Variants in NRG2 observed in about 807,000 individuals in gnomAD.
NRG2 encodes neuregulin 2.
NRG2 carries 27 observed loss-of-function variants against 73.9 expected under a neutral mutation model. The ratio of observed to expected loss-of-function variants is 0.37; its 90% CI spans 0.27 to 0.50. NRG2 has a LOEUF of 0.50. Among genes scored for constraint, NRG2 ranks in the 20% least tolerant of loss-of-function variants. The probability of loss-of-function intolerance (pLI) is 0.96; values close to 1 mark genes in which losing one functional copy is unlikely to be tolerated. For synonymous variants in NRG2, 532 were observed against 541.0 expected, an observed-to-expected ratio of 0.98 and a Z score of 0.23; for missense variants, 1,126 against 1,210.1, an observed-to-expected ratio of 0.93 and a Z score of 1.03.
At chr5:139,897,086 C>T (rs1489298202) in intron 1 of NRG2, among the ~76,000 whole-genome samples, 3 of 152,196 alleles carry the variant, frequency 2.0e-5, no homozygotes, top group Non-Finnish European at 4.4e-5. Context: ...TCTGCCCTGC[C>T]TCCATGCCCT....
intron 1 of NRG2, among the ~76,000 whole-genome samples, chr5:139,903,947 G>A (rs1765047892): frequency 6.6e-6 from 1 of 152,226 alleles, no homozygotes; most frequent in African/African-American, 2.4e-5. Context: ...CGGCCAGGCC[G>A]GGCCCAGCGT....
chr5:139,897,574 C>T (rs939900172), intron 1 of NRG2, among the ~76,000 whole-genome samples: 18 of 152,276 alleles, frequency 1.2e-4, no homozygotes, highest in East Asian at 5.8e-4. Context: ...GCAGAATCGC[C>T]GTGTTTCCTG....
Position 140,043,285 on chromosome 5 carries a change from G to C in NRG2, c.-216C>G, listed in dbSNP as rs1762117066. 1 of 552,086 alleles carries C rather than the reference G, an allele frequency of 1.8e-6. No homozygotes were observed. The highest frequency in any genetic ancestry group is 3.6e-5 in the Admixed American group (1 of 27,852). 34.2% of individuals were successfully genotyped at this position (552,086 alleles called of 1,614,324 possible). A position where few individuals can be genotyped will look rare whatever the true frequency, so the allele number is the denominator to read the frequency against. On this transcript the variant is annotated 5_prime_UTR_variant, in exon 1 of 10. Coordinates refer to ENST00000361474, the MANE Select transcript of NRG2 (RefSeq NM_004883.3). This position sits in a 1 kb window ranked among gnomAD's most constrained non-coding sequence, Gnocchi z 6.7. Reference sequence around the variant, plus strand: ...GCAGCGCTCCCACCCTGTGCGCCAGGACCTGGAGGAGGATGCGGAGGATGG... The same window carrying C: ...GCAGCGCTCCCACCCTGTGCGCCAGCACCTGGAGGAGGATGCGGAGGATGG...
At chr5:139,875,477 T>C (rs1327747810) in intron 3 of NRG2, among the ~76,000 whole-genome samples, 2 of 152,164 alleles carry the variant, frequency 1.3e-5, no homozygotes, top group Non-Finnish European at 2.9e-5. Flanking sequence ...AAAATAAATA[T>C]CTTATTCTTT....
intron 1 of NRG2, among the ~76,000 whole-genome samples, chr5:140,022,658 T>C (rs552947477): frequency 4.6e-5 from 7 of 152,232 alleles, no homozygotes; most frequent in Non-Finnish European, 7.3e-5. Flanking sequence ...AACCTCTTTA[T>C]ACTTGAGTTT....
intron 1 of NRG2, among the ~76,000 whole-genome samples, chr5:139,912,832 G>T (rs140054065): frequency 5.3e-5 from 8 of 152,248 alleles, no homozygotes; most frequent in East Asian, 1.9e-4. Context: ...TTCCCTTTGC[G>T]CCTCAACGTG....
intron 1 of NRG2, among the ~76,000 whole-genome samples, chr5:139,989,964 A>AT (rs1757472383): frequency 6.7e-6 from 1 of 150,282 alleles, no homozygotes; most frequent in Non-Finnish European, 1.5e-5. Context: ...AATTTTTTGT[A>AT]TTTTTAGTAG....
At chr5:139,956,712 T>G (rs1754653868) in intron 1 of NRG2, among the ~76,000 whole-genome samples, 1 of 152,200 alleles carries the variant, frequency 6.6e-6, no homozygotes, top group African/African-American at 2.4e-5. Flanking sequence ...GCAGGGCAGC[T>G]AGTGTCCCAA....
At chr5:139,909,301 T>C (rs1765440713) in intron 1 of NRG2, among the ~76,000 whole-genome samples, 1 of 152,168 alleles carries the variant, frequency 6.6e-6, no homozygotes, top group South Asian at 2.1e-4. Flanking sequence ...TGCCTTTCAG[T>C]GAAAGGGGAA....
At chr5:139,862,741 A>T (rs538715941) in intron 5 of NRG2, among the ~76,000 whole-genome samples, 2 of 152,270 alleles carry the variant, frequency 1.3e-5, no homozygotes, top group Admixed American at 6.5e-5. Flanking sequence ...TAAGAACATG[A>T]TTGTGTGTTT....
In NRG2 at chr5:139,949,787, GC is replaced by G. The variant is rs375939921; in HGVS notation, c.701-62277del. 2.8e-4 allele frequency among the ~76,000 whole-genome samples: 42 copies of G among 152,270 alleles called. 1 individual carries two copies. The highest frequency in any genetic ancestry group is 3.4e-3 in the Middle Eastern group (1 of 294). ...AGGCTTTGCTGGGTGTCTGGCCATG[GC>G]TAGGTGTTCATATTTACCAGCTGCC... On this transcript the variant is annotated intron_variant, in intron 1 of 9. Coordinates refer to ENST00000361474, the MANE Select transcript of NRG2 (RefSeq NM_004883.3).
chr5:139,867,899 A>T (rs903746369), intron 4 of NRG2, among the ~76,000 whole-genome samples: 2 of 151,104 alleles, frequency 1.3e-5, no homozygotes, highest in Non-Finnish European at 2.9e-5. Flanking sequence ...ATTTATTTCC[A>T]TTGCTGACAA....
At chr5:139,848,760 T>TGGGG in intron 9 of NRG2, 63 bp from the exon 10 acceptor site, 2 of 44,172 alleles carry the variant, frequency 4.5e-5, no homozygotes, top group South Asian at 6.6e-4. Context: ...GAGGGGGGGT[T>TGGGG]GGGGGTGGGG....
chr5:139,865,440 G>T lies in NRG2; in HGVS notation c.1189+109C>A. The T allele has an allele frequency of 1.2e-6, 1 of 825,816 alleles. No individual in the cohort carries two copies. The highest frequency in any genetic ancestry group is 2.0e-6 in the Non-Finnish European group (1 of 495,766). 51.2% of individuals were successfully genotyped at this position (825,816 alleles called of 1,614,324 possible). On this transcript the variant is annotated intron_variant, in intron 5 of 9. Coordinates refer to ENST00000361474, the MANE Select transcript of NRG2 (RefSeq NM_004883.3). The surrounding 1 kb of genome is among the most constrained non-coding windows in gnomAD (Gnocchi z 5.2). The stretch of plus-strand genomic sequence containing the variant: ...AAGAAAAGAGAAACAAAACAAAACA[G>T]CCAAAGATCAAAACAACCAACACCC...
intron 1 of NRG2, among the ~76,000 whole-genome samples, chr5:139,987,540 A>T (rs1332020677): frequency 2.0e-5 from 3 of 152,094 alleles, no homozygotes; most frequent in Non-Finnish European, 2.9e-5. Flanking sequence ...GAGTAACCAC[A>T]CATCTGTCCA....
chr5:140,019,402 G>A (rs1265536983), intron 1 of NRG2: 1 of 152,216 alleles, frequency 6.6e-6, no homozygotes, highest in Non-Finnish European at 1.5e-5. Flanking sequence ...TTAGACAGGA[G>A]GGAACAACTG....
In NRG2 at chr5:139,904,447, GCTGCGCCCCCGCCGC is replaced by G; in HGVS notation, c.701-16951_701-16937del. The G allele has an allele frequency of 1.7e-6, 2 of 1,159,306 alleles. No homozygotes were observed. The highest frequency in any genetic ancestry group is 2.5e-6 in the Non-Finnish European group (2 of 813,476). 71.8% of individuals were successfully genotyped at this position (1,159,306 alleles called of 1,614,324 possible). Reference sequence around the variant, plus strand: ...GACGGCCTCAGCTCTCCGCTGCCGCGCTGCGCCCCCGCCGCCTGCAGCCTCAGTGCCCGAGCGCGG... The same window carrying G: ...GACGGCCTCAGCTCTCCGCTGCCGCGCTGCAGCCTCAGTGCCCGAGCGCGG... On this transcript the variant is annotated intron_variant, in intron 1 of 9. Transcript: ENST00000361474. The surrounding 1 kb of genome is among the most constrained non-coding windows in gnomAD (Gnocchi z 6.0).
In NRG2 at chr5:139,852,854, G is replaced by C. The variant is rs778112295; in HGVS notation, c.1416+50C>G. The C allele has an allele frequency of 1.6e-5, 25 of 1,609,446 alleles. No homozygotes were observed. Among genetic ancestry groups the C allele is most frequent in the Admixed American group, 1.4e-4 (8 of 59,004 alleles). ...CCATCCTTGCAGGGGGCATGAGAAGGCTGGCTGTCCACTGAGGGCTCAGAA... is the reference window on the plus strand; with the variant it reads ...CCATCCTTGCAGGGGGCATGAGAAGCCTGGCTGTCCACTGAGGGCTCAGAA... On this transcript the variant is annotated intron_variant, in intron 7 of 9. Transcript: ENST00000361474. The surrounding 1 kb of genome is among the most constrained non-coding windows in gnomAD (Gnocchi z 4.4).
chr5:139,879,649 A>G (rs910058742), intron 3 of NRG2, among the ~76,000 whole-genome samples: 6 of 152,154 alleles, frequency 3.9e-5, no homozygotes, highest in African/African-American at 9.7e-5. Flanking sequence ...CTGTAGTTCT[A>G]TGGGGTGGGG....
Sources: gnomAD v4.1 joint callset for allele counts (sites outside exome capture counted in the v4.1 genomes callset) on GRCh38, gnomAD v4.1.1 for gene constraint, Gnocchi (gnomAD v3.1) non-coding constraint, MANE v1.5 for transcripts, NCBI Gene and HGNC (gene_info 2026-07-23, HGNC 2026-07-21) for gene names.